Variants in HIVEP1 observed in about 807,000 individuals in gnomAD.
HIVEP1 encodes HIVEP zinc finger 1, also known as zinc finger protein 40.
In HIVEP1, 36 loss-of-function variants were observed where a neutral mutation model predicts 180.0. That is an observed-to-expected ratio of 0.20 (90% confidence interval 0.15 to 0.26). HIVEP1 has a LOEUF of 0.26. Among genes scored for constraint, HIVEP1 ranks in the 10% least tolerant of loss-of-function variants. The pLI, the probability that HIVEP1 is intolerant of heterozygous loss-of-function variation, is 1.00. For missense variants in HIVEP1, 3,143 were observed against 3,268.7 expected (o/e 0.96, Z 0.94); for synonymous variants, 1,239 against 1,239.0 (o/e 1.00, Z 0.00).
chr6:12,100,640 G>A lies in HIVEP1; in HGVS notation c.94+11403G>A, dbSNP rs139221790. Among the ~76,000 whole-genome samples the A allele has an allele frequency of 1.7e-3, 259 of 152,290 alleles. 1 individual carries two copies. The highest frequency in any genetic ancestry group is 5.9e-3 in the African/African-American group (244 of 41,550). ...TTTGAAAGACTCAGGGCAGAGAAAT[G>A]TAACTATTATTCTGTAAACCTAGTG... On this transcript the variant is annotated intron_variant, in intron 3 of 8. Transcript: ENST00000379388.
the HIVEP1 span, among the ~76,000 whole-genome samples, chr6:12,196,254 A>G: frequency 6.6e-6 from 1 of 152,320 alleles, no homozygotes; most frequent in East Asian, 1.9e-4. Context: ...ATCCTCTTCT[A>G]CTTTGTGGTT....
At chr6:12,041,911 G>T (rs1193826624) in intron 2 of HIVEP1, among the ~76,000 whole-genome samples, 1 of 151,762 alleles carries the variant, frequency 6.6e-6, no homozygotes, top group Non-Finnish European at 1.5e-5. Flanking sequence ...CGCCCGCCTT[G>T]GCCTCCCAAA....
intron 3 of HIVEP1, among the ~76,000 whole-genome samples, chr6:12,103,589 TAACTG>T (rs1174626505): frequency 6.6e-6 from 1 of 152,084 alleles, no homozygotes; most frequent in African/African-American, 2.4e-5. Flanking sequence ...TATCTGGACT[TAACTG>T]TATTAGGCAG....
downstream of HIVEP1, among the ~76,000 whole-genome samples, chr6:12,168,313 T>TATATTATATACATATATACATATATA (rs1760806661): frequency 2.7e-5 from 3 of 113,072 alleles, no homozygotes; most frequent in South Asian, 2.5e-4. Context: ...ATACATATAT[T>TATATTATATACATATATACATATATA]ATATACATAT....
chr6:12,143,291 A>T (rs527745869), intron 7 of HIVEP1, among the ~76,000 whole-genome samples: 1 of 152,380 alleles, frequency 6.6e-6, no homozygotes, highest in South Asian at 2.1e-4. Flanking sequence ...AAACCACATG[A>T]TTATCTCAAT....
the HIVEP1 span, among the ~76,000 whole-genome samples, chr6:12,200,586 G>A: frequency 6.6e-6 from 1 of 152,186 alleles, no homozygotes; most frequent in Non-Finnish European, 1.5e-5. Flanking sequence ...AGAGCCTGGA[G>A]TCTAGAAGGC....
chr6:12,119,867 G>GT, intron 3 of HIVEP1, 23 bp from the exon 4 acceptor site: 3 of 1,300,804 alleles, frequency 2.3e-6, no homozygotes, highest in Non-Finnish European at 2.1e-6. Flanking sequence ...CCAATTGTTT[G>GT]TTGTTGTTGT....
At position 12,021,587 on chromosome 6, in the gene HIVEP1, C is replaced by G. The variant is rs139445754; in HGVS notation, c.40+5919C>G. Among the ~76,000 whole-genome samples the G allele has an allele frequency of 1.3e-3, 204 of 152,302 alleles. 1 individual carries two copies. The highest frequency in any genetic ancestry group is 4.7e-3 in the African/African-American group (197 of 41,556). On this transcript the variant is annotated intron_variant, in intron 2 of 8. Transcript: ENST00000379388. Reference sequence around the variant, plus strand: ...ACATCATGATCATTCTTCTCCAGGTCTCTTATCTTAGCGGGATTATAATAT... The same window carrying G: ...ACATCATGATCATTCTTCTCCAGGTGTCTTATCTTAGCGGGATTATAATAT...
At chr6:12,180,501 A>C in the HIVEP1 span, among the ~76,000 whole-genome samples, 1,327 of 152,274 alleles carry the variant, frequency 8.7e-3, 26 homozygotes, top group African/African-American at 0.03. Flanking sequence ...TCACCTACGG[A>C]TTTGCTCTAA....
rs964651822 is a variant in HIVEP1 at position 12,121,774 on chromosome 6, G to A, written c.1979G>A (p.Gly660Glu). 6.2e-7 allele frequency: 1 copy of A among 1,614,170 alleles called. No individual in the cohort carries two copies. Among genetic ancestry groups the A allele is most frequent in the South Asian group, 1.1e-5 (1 of 91,088 alleles). ...ACCGATTACTCCCAAGAGCAGCAAG[G>A]AAAGCTCCTGAGTCCTCGAAGTTTA... ...QATDYSQEQQ[G>E]KLLSPRSLGS... Residue 660 changes from glycine to glutamate, a missense_variant, in exon 4 of 9, where the codon GGA (glycine) becomes GAA (glutamate). Transcript: ENST00000379388. This position sits in a 1 kb window ranked among gnomAD's most constrained non-coding sequence, Gnocchi z 5.3.
At chr6:12,179,969 AG>A in the HIVEP1 span, among the ~76,000 whole-genome samples, 4 of 152,240 alleles carry the variant, frequency 2.6e-5, no homozygotes, top group South Asian at 2.1e-4. Flanking sequence ...TTCTTTTAAA[AG>A]ACTGGAAAGC....
chr6:12,204,071 C>T, the HIVEP1 span, among the ~76,000 whole-genome samples: 2 of 147,380 alleles, frequency 1.4e-5, no homozygotes, highest in Non-Finnish European at 3.0e-5. Flanking sequence ...AGTGAAACTC[C>T]ATCTGAAAAA....
downstream of HIVEP1, among the ~76,000 whole-genome samples, chr6:12,168,203 C>T (rs1329627837): frequency 1.0e-4 from 10 of 99,056 alleles, no homozygotes; most frequent in Middle Eastern, 7.4e-3. Context: ...TGTATATATA[C>T]ATATATACAT....
At position 12,123,278 on chromosome 6, in the gene HIVEP1, T is replaced by C. The variant is rs1430091746; in HGVS notation, c.3483T>C (p.Ser1161=). The C allele has an allele frequency of 1.2e-6, 2 of 1,614,078 alleles. No individual in the cohort carries two copies. Among genetic ancestry groups the C allele is most frequent in the East Asian group, 2.2e-5 (1 of 44,890 alleles). ...CTTTTGAAAGAGCCTCCCCAGTTTC[T>C]TTCCAGGAGCTGAATAGAACGGGGA... is the stretch of plus-strand genomic sequence containing the variant. ...PEPFERASPV[S]FQELNRTGKS... The change falls in exon 4 of 9, where the codon TCT becomes TCC. Residue 1161 remains serine (S), a synonymous_variant. Transcript: ENST00000379388.
chr6:12,072,065 C>T (rs1398102099), intron 2 of HIVEP1, among the ~76,000 whole-genome samples: 1 of 149,970 alleles, frequency 6.7e-6, no homozygotes, highest in Non-Finnish European at 1.5e-5. Context: ...AGTCTGCAGT[C>T]TTTGTCACAT....
chr6:12,089,074 C>G, intron 2 of HIVEP1, 110 bp from the exon 3 acceptor site: 1 of 580,028 alleles, frequency 1.7e-6, no homozygotes, highest in Non-Finnish European at 3.1e-6. Flanking sequence ...ATTTATTCAA[C>G]ACATTTTTTA....
intron 3 of HIVEP1, among the ~76,000 whole-genome samples, chr6:12,099,170 G>A (rs531112084): frequency 6.8e-6 from 1 of 146,962 alleles, no homozygotes; most frequent in Non-Finnish European, 1.5e-5. Flanking sequence ...GAGCCAGAGG[G>A]AAATGTCACT....
At chr6:12,107,519 C>T (rs1043926962) in intron 3 of HIVEP1, among the ~76,000 whole-genome samples, 9 of 152,258 alleles carry the variant, frequency 5.9e-5, no homozygotes, top group East Asian at 1.9e-4. Context: ...AATGAAGCTG[C>T]GGACCCTCAC....
intron 2 of HIVEP1, among the ~76,000 whole-genome samples, chr6:12,076,869 C>A (rs551155987): frequency 7.2e-5 from 11 of 152,222 alleles, no homozygotes; most frequent in African/African-American, 2.6e-4. Context: ...AAAGAGAATT[C>A]TTGTTTCACT....
Sources: gnomAD v4.1 joint callset for allele counts (sites outside exome capture counted in the v4.1 genomes callset) on GRCh38, gnomAD v4.1.1 for gene constraint, Gnocchi (gnomAD v3.1) non-coding constraint, MANE v1.5 for transcripts, NCBI Gene and HGNC (gene_info 2026-07-23, HGNC 2026-07-21) for gene names.